Variants in MGAT4C observed in about 807,000 individuals in gnomAD.
The protein encoded by MGAT4C is alpha-1,3-mannosyl-glycoprotein 4-beta-N-acetylglucosaminyltransferase C.
Under a neutral mutation model 40.1 loss-of-function variants are expected in MGAT4C, and 19 were observed. The observed-to-expected ratio is 0.47, with a 90% CI of 0.33 to 0.70. The LOEUF is 0.70. Among genes scored for constraint, MGAT4C ranks in the 30% least tolerant of loss-of-function variants. The pLI is 0.02. For synonymous variants in MGAT4C, 181 were observed against 187.1 expected, an observed-to-expected ratio of 0.97 and a Z score of 0.27; for missense variants, 491 against 563.2, an observed-to-expected ratio of 0.87 and a Z score of 1.30.
At position 86,510,725 on chromosome 12, in the gene MGAT4C, A is replaced by G. The variant is rs568083338; in HGVS notation, c.-228-75460T>C. Among the ~76,000 whole-genome samples the G allele has an allele frequency of 7.9e-4, 120 of 152,320 alleles. 1 individual carries two copies. In the South Asian group the frequency reaches 0.024, roughly 31 times the overall value. On this transcript the variant is annotated intron_variant, in intron 2 of 7. Coordinates refer to the MGAT4C transcript ENST00000548651. ...GATAAAACAGACTTTAAATCAACAA[A>G]GATCAAAAGAGACAAAGAAGGCCAT...
At chr12:86,048,674 C>T (rs1892634281) in intron 2 of MGAT4C, among the ~76,000 whole-genome samples, 2 of 151,926 alleles carry the variant, frequency 1.3e-5, no homozygotes, top group African/African-American at 4.8e-5. Flanking sequence ...TCCAGAATTG[C>T]TGGAAACATC....
rs943930029 is a variant in MGAT4C at position 86,505,241 on chromosome 12, G to A, written c.-228-69976C>T. 7.9e-5 allele frequency among the ~76,000 whole-genome samples: 12 copies of A among 151,934 alleles called. 1 individual carries two copies. On this transcript the variant is annotated intron_variant, in intron 2 of 7. Coordinates refer to the MGAT4C transcript ENST00000548651. ...AATCCTGGCTAGATATTTGCTTTCTGGCCTAATGCAAGCAGATACAAGCCA... is the reference window on the plus strand; with the variant it reads ...AATCCTGGCTAGATATTTGCTTTCTAGCCTAATGCAAGCAGATACAAGCCA...
chr12:86,651,598 T>C (rs755792293), intron 2 of MGAT4C, among the ~76,000 whole-genome samples: 5 of 152,036 alleles, frequency 3.3e-5, no homozygotes, highest in Middle Eastern at 6.8e-3. Context: ...TATGACCTAA[T>C]GATCACTTTT....
intron 1 of MGAT4C, among the ~76,000 whole-genome samples, chr12:86,062,851 C>T (rs898198606): frequency 6.6e-6 from 1 of 151,788 alleles, no homozygotes; most frequent in African/African-American, 2.4e-5. Flanking sequence ...ACAAACAAAG[C>T]CTCGAAGAAA....
intron 2 of MGAT4C, among the ~76,000 whole-genome samples, chr12:86,530,899 G>A (rs191230930): frequency 9.2e-5 from 14 of 152,096 alleles, no homozygotes; most frequent in African/African-American, 3.4e-4. Flanking sequence ...TACAGCAAAT[G>A]TTATATACAT....
intron 1 of MGAT4C, among the ~76,000 whole-genome samples, chr12:86,730,938 C>T (rs1329609942): frequency 6.6e-6 from 1 of 152,022 alleles, no homozygotes; most frequent in Middle Eastern, 3.2e-3. Context: ...TTCTATGAAG[C>T]AGCTATCATT....
At chr12:86,216,350 A>T (rs977494968) in intron 1 of MGAT4C, among the ~76,000 whole-genome samples, 1 of 152,216 alleles carries the variant, frequency 6.6e-6, no homozygotes, top group African/African-American at 2.4e-5. Context: ...AGATTACCAC[A>T]TCAAAAGCTT....
chr12:86,600,801 G>A (rs1218941014), intron 2 of MGAT4C, among the ~76,000 whole-genome samples: 1 of 152,282 alleles, frequency 6.6e-6, no homozygotes, highest in African/African-American at 2.4e-5. Context: ...CGCTGCAGCC[G>A]CCCAGCCATG....
intron 2 of MGAT4C, among the ~76,000 whole-genome samples, chr12:86,646,312 T>C (rs1963542908): frequency 6.6e-6 from 1 of 151,876 alleles, no homozygotes; most frequent in Non-Finnish European, 1.5e-5. Context: ...TTGCCAAGCA[T>C]AAAAATTCAC....
At chr12:86,740,264 C>T (rs982050720) in intron 1 of MGAT4C, among the ~76,000 whole-genome samples, 3 of 150,944 alleles carry the variant, frequency 2.0e-5, no homozygotes, top group African/African-American at 7.3e-5. Flanking sequence ...AAAAATACTA[C>T]TTTTGTGATG....
chr12:86,739,733 G>A (rs572537546), intron 1 of MGAT4C, among the ~76,000 whole-genome samples: 17 of 151,072 alleles, frequency 1.1e-4, no homozygotes, highest in African/African-American at 4.1e-4. Context: ...TAAGGAACTT[G>A]AGCATCTATG....
intron 3 of MGAT4C, among the ~76,000 whole-genome samples, chr12:86,388,341 G>A (rs1956097878): frequency 6.6e-6 from 1 of 152,020 alleles, no homozygotes; most frequent in African/African-American, 2.4e-5. Flanking sequence ...GAAAGGAAAT[G>A]CATTATAATT....
At chr12:86,059,369 A>G (rs1307364053) in intron 1 of MGAT4C, among the ~76,000 whole-genome samples, 1 of 152,124 alleles carries the variant, frequency 6.6e-6, no homozygotes, top group Admixed American at 6.6e-5. Flanking sequence ...TGTTCACACT[A>G]GCCCTTTCTT....
intron 1 of MGAT4C, among the ~76,000 whole-genome samples, chr12:86,195,332 CTGTTT>C (rs1311460057): frequency 1.3e-5 from 2 of 152,028 alleles, no homozygotes; most frequent in Admixed American, 6.6e-5. Flanking sequence ...TCTTCGTGAT[CTGTTT>C]TGTCTTCTAT....
chr12:86,547,006 G>T (rs1959197077), intron 2 of MGAT4C, among the ~76,000 whole-genome samples: 1 of 151,744 alleles, frequency 6.6e-6, no homozygotes, highest in South Asian at 2.1e-4. Context: ...TATTATTATG[G>T]CAACACAGAT....
rs1472660511 is a variant in MGAT4C at position 85,979,641 on chromosome 12, C to T, written c.1085G>A (p.Ser362Asn). ...CCCCCAAAAGTACTCATCAACACTA[C>T]TGTAAGCCTTGCTTGCTTCATAATT... ...FENYEASKAY[S>N]SVDEYFWGKP... The change falls in exon 5 of 5, where the codon AGT becomes AAT. Residue 362 changes from serine (S) to asparagine (N), a missense_variant. Ser to Asn is a conservative substitution (Grantham distance 46, BLOSUM62 1). Coordinates refer to ENST00000611864, the MANE Select transcript of MGAT4C (RefSeq NM_001351288.2). 2 of 1,612,326 alleles carry T rather than the reference C, an allele frequency of 1.2e-6. No homozygotes were observed. Among genetic ancestry groups the T allele is most frequent in the East Asian group, 2.2e-5 (1 of 44,866 alleles).
chr12:86,227,389 T>C (rs1337502527), intron 1 of MGAT4C, among the ~76,000 whole-genome samples: 1 of 151,876 alleles, frequency 6.6e-6, no homozygotes, highest in Non-Finnish European at 1.5e-5. Context: ...CTCATCTGAC[T>C]TACTATTTCT....
At chr12:86,354,023 T>C (rs963985709) in intron 3 of MGAT4C, among the ~76,000 whole-genome samples, 20 of 152,176 alleles carry the variant, frequency 1.3e-4, no homozygotes, top group African/African-American at 3.6e-4. Flanking sequence ...CCTATGTATG[T>C]GTGGAACTGA....
At chr12:86,624,762 A>T (rs1402289342) in intron 2 of MGAT4C, among the ~76,000 whole-genome samples, 1 of 152,162 alleles carries the variant, frequency 6.6e-6, no homozygotes, top group African/African-American at 2.4e-5. Flanking sequence ...AAAAGCACAG[A>T]CAGAGAAAGG....
Sources: allele counts gnomAD v4.1 joint callset (sites outside exome capture counted in the v4.1 genomes callset), GRCh38; gene constraint gnomAD v4.1.1; transcripts MANE v1.5; gene names NCBI Gene and HGNC (gene_info 2026-07-23, HGNC 2026-07-21).